The following POMGNT2 variants were observed in gnomAD, a reference collection of about 807,000 sequenced individuals.
The protein encoded by POMGNT2 is protein O-linked mannose N-acetylglucosaminyltransferase 2 (beta 1,4-).
Under a neutral mutation model 37.8 loss-of-function variants are expected in POMGNT2, and 32 were observed. The ratio of observed to expected loss-of-function variants is 0.85; its 90% CI spans 0.64 to 1.14. POMGNT2 has a LOEUF of 1.14. Ranked by LOEUF, POMGNT2 falls within the 50% of genes most tolerant of loss-of-function variation. The probability of loss-of-function intolerance (pLI) is 0.00; values close to 1 mark genes in which losing one functional copy is unlikely to be tolerated. For synonymous variants in POMGNT2, 340 were observed against 336.8 expected (o/e 1.01, Z -0.10); for missense variants, 705 against 780.6 (o/e 0.90, Z 1.15).
At chr3:43,085,371 C>T (rs2089889198) in intron 1 of POMGNT2, among the ~76,000 whole-genome samples, 1 of 152,074 alleles carries the variant, frequency 6.6e-6, no homozygotes, top group South Asian at 2.1e-4. Flanking sequence ...ATAATTCCCA[C>T]ATGTTGTGGG....
At chr3:43,090,332 A>G (rs965439068) in intron 1 of POMGNT2, among the ~76,000 whole-genome samples, 1 of 8,026 alleles carries the variant, frequency 1.2e-4, no homozygotes, top group Non-Finnish European at 0.012. Flanking sequence ...ATGTAAAATT[A>G]TATCACTGCC....
intron 1 of POMGNT2, among the ~76,000 whole-genome samples, chr3:43,089,435 T>C (rs1410804918): frequency 6.6e-6 from 1 of 152,164 alleles, no homozygotes; most frequent in Non-Finnish European, 1.5e-5. Context: ...AGAGAGAAAC[T>C]TAGAAAAATC....
chr3:43,090,874 A>G (rs974767325), intron 1 of POMGNT2, among the ~76,000 whole-genome samples: 1 of 152,130 alleles, frequency 6.6e-6, no homozygotes, highest in Non-Finnish European at 1.5e-5. Context: ...AACAGTGGGA[A>G]TATTTGTGAG....
At chr3:43,092,505 C>G (rs953526984) in intron 1 of POMGNT2, among the ~76,000 whole-genome samples, 3 of 152,122 alleles carry the variant, frequency 2.0e-5, no homozygotes, top group Admixed American at 6.5e-5. Flanking sequence ...GCCATGTTGC[C>G]TAGGCTGGTA....
intron 1 of POMGNT2, among the ~76,000 whole-genome samples, chr3:43,105,165 G>A (rs1430706134): frequency 6.6e-6 from 1 of 152,162 alleles, no homozygotes; most frequent in African/African-American, 2.4e-5. Flanking sequence ...CTGGCCTGAC[G>A]GTCACATACT....
chr3:43,095,612 C>A (rs1290676760), intron 1 of POMGNT2, among the ~76,000 whole-genome samples: 2 of 152,178 alleles, frequency 1.3e-5, no homozygotes, highest in Non-Finnish European at 1.5e-5. Flanking sequence ...CTAGCCCCAA[C>A]CCTATGAAGT....
At chr3:43,099,498 C>T (rs183045160) in intron 1 of POMGNT2, among the ~76,000 whole-genome samples, 8 of 152,200 alleles carry the variant, frequency 5.3e-5, no homozygotes, top group Admixed American at 3.3e-4. Flanking sequence ...AACCATGAGG[C>T]CTCCAAGCCA....
chr3:43,081,571 G>A, intron 1 of POMGNT2, 35 bp from the exon 2 acceptor site: 1 of 769,220 alleles, frequency 1.3e-6, no homozygotes, highest in Non-Finnish European at 2.0e-6. Context: ...AAAAGGAATT[G>A]GCAGTCTTCC....
intron 1 of POMGNT2, chr3:43,087,764 C>T (rs1391214753): frequency 6.6e-6 from 1 of 152,252 alleles, no homozygotes; most frequent in East Asian, 1.9e-4. Flanking sequence ...ATCACATCAT[C>T]TCCCAAACCA....
chr3:43,088,422 T>C (rs1037323905), intron 1 of POMGNT2, among the ~76,000 whole-genome samples: 4 of 152,196 alleles, frequency 2.6e-5, no homozygotes, highest in African/African-American at 7.2e-5. Flanking sequence ...TCGAGTGTAC[T>C]GACAGACGAC....
chr3:43,103,428 C>A (rs369473277), intron 1 of POMGNT2, among the ~76,000 whole-genome samples: 27 of 151,956 alleles, frequency 1.8e-4, no homozygotes, highest in African/African-American at 6.5e-4. Context: ...CAGCCTGCAC[C>A]CTCACCCAGC....
At chr3:43,104,302 A>C (rs1213854291) in intron 1 of POMGNT2, among the ~76,000 whole-genome samples, 1 of 152,238 alleles carries the variant, frequency 6.6e-6, no homozygotes, top group Admixed American at 6.5e-5. Context: ...TCCCACTGAC[A>C]ACCAAGCTGA....
In POMGNT2 at chr3:43,080,887, A is replaced by T. The variant is rs1249237638; in HGVS notation, c.545T>A (p.Phe182Tyr). 6.2e-7 allele frequency: 1 copy of T among 1,614,166 alleles called. No individual in the cohort carries two copies. Among genetic ancestry groups the T allele is most frequent in the Admixed American group, 1.7e-5 (1 of 60,026 alleles). The change falls in exon 2 of 2, where the codon TTT becomes TAT. Residue 182 changes from phenylalanine to tyrosine, a missense_variant. Transcript: ENST00000344697. ...LLPLFYTLRQ[F>Y]PGLAHEARLF... ...CCGTGCCTCGTGGGCCAGGCCGGGA[A>T]ACTGCCGCAGGGTGTAGAAGAGTGG...
Position 43,106,074 on chromosome 3 carries a change from C to T in POMGNT2, c.-344G>A, listed in dbSNP as rs887763838. The T allele has an allele frequency of 1.3e-5, 2 of 151,854 alleles. No individual in the cohort carries two copies. The highest frequency in any genetic ancestry group is 2.9e-5 in the Non-Finnish European group (2 of 67,926). The allele number at this position is 151,854 out of a possible 1,614,324, so 9.4% of individuals were successfully genotyped here. ...CCGGCGGGCGAGCCCGGCGCGGAGC[C>T]TGTGCGCCTGCGCAGAGCCGCGAGT... is the stretch of plus-strand genomic sequence containing the variant. On this transcript the variant is annotated 5_prime_UTR_variant, in exon 1 of 2. Coordinates refer to ENST00000344697, the MANE Select transcript of POMGNT2 (RefSeq NM_032806.6).
At chr3:43,095,810 A>G (rs1243913507) in intron 1 of POMGNT2, among the ~76,000 whole-genome samples, 1 of 152,178 alleles carries the variant, frequency 6.6e-6, no homozygotes, top group Non-Finnish European at 1.5e-5. Context: ...GGCAGAGAAG[A>G]GAAAGAAACA....
intron 1 of POMGNT2, among the ~76,000 whole-genome samples, chr3:43,086,812 G>T (rs2089900928): frequency 6.6e-6 from 1 of 152,126 alleles, no homozygotes; most frequent in Non-Finnish European, 1.5e-5. Flanking sequence ...TTCATTTTTT[G>T]TTCTCAGAAG....
rs150404794 is a variant in POMGNT2, at chr3:43,080,604, G to T, written c.828C>A (p.Asn276Lys). Residue 276 changes from asparagine to lysine, a missense_variant, in exon 2 of 2, where the codon AAC becomes AAA. Transcript: ENST00000344697. ...CTAGGGGGACTCCTGTGTGGCTCACGTTCAGCTTTTCTGTCATGAACCGTG... is the reference window on the plus strand; with the variant it reads ...CTAGGGGGACTCCTGTGTGGCTCACTTTCAGCTTTTCTGTCATGAACCGTG... ...QFARFMTEKL[N>K]VSHTGVPLGE... 2.5e-6 allele frequency: 4 copies of T among 1,614,182 alleles called. No homozygotes were observed. Among genetic ancestry groups the T allele is most frequent in the Non-Finnish European group, 3.4e-6 (4 of 1,180,028 alleles).
At chr3:43,099,558 C>T (rs773516051) in intron 1 of POMGNT2, among the ~76,000 whole-genome samples, 1 of 152,186 alleles carries the variant, frequency 6.6e-6, no homozygotes, top group Non-Finnish European at 1.5e-5. Context: ...GTGGGCACTG[C>T]ATACCCAGAC....
At chr3:43,096,874 T>G (rs140929837) in intron 1 of POMGNT2, among the ~76,000 whole-genome samples, 1 of 152,196 alleles carries the variant, frequency 6.6e-6, no homozygotes, top group Non-Finnish European at 1.5e-5. Context: ...CCAAACCACT[T>G]TACTAAGCTC....
Sources: allele counts gnomAD v4.1 joint callset (sites outside exome capture counted in the v4.1 genomes callset), GRCh38; gene constraint gnomAD v4.1.1; transcripts MANE v1.5; gene names NCBI Gene and HGNC (gene_info 2026-07-23, HGNC 2026-07-21).